PRKG1: variants seen among roughly 807,000 people sequenced by gnomAD.
PRKG1 encodes the protein protein kinase cGMP-dependent 1.
In PRKG1, 35 loss-of-function variants were observed where a neutral mutation model predicts 88.1. The ratio of observed to expected loss-of-function variants is 0.40; its 90% confidence interval spans 0.30 to 0.53. The LOEUF is 0.53. Among genes scored for constraint, PRKG1 ranks in the 20% least tolerant of loss-of-function variants. The pLI is 0.59. For missense variants in PRKG1, 540 were observed against 839.8 expected (o/e 0.64, Z 4.41); for synonymous variants, 303 against 292.5 (o/e 1.04, Z -0.37).
chr10:51,087,209 A>G (rs1429088029), intron 1 of PRKG1, among the ~76,000 whole-genome samples: 1 of 152,122 alleles, frequency 6.6e-6, no homozygotes, highest in Non-Finnish European at 1.5e-5. Flanking sequence ...CCTAGAAACA[A>G]TTTCCTCTCC....
At chr10:52,203,479 A>T (rs1839730026) in intron 9 of PRKG1, among the ~76,000 whole-genome samples, 2 of 152,188 alleles carry the variant, frequency 1.3e-5, no homozygotes, top group Non-Finnish European at 2.9e-5. Flanking sequence ...GATGAGACTA[A>T]TGTAGATTCT....
chr10:51,956,602 A>T (rs1012949382), intron 5 of PRKG1, among the ~76,000 whole-genome samples: 1 of 152,118 alleles, frequency 6.6e-6, no homozygotes, highest in Non-Finnish European at 1.5e-5. Flanking sequence ...AAGTATTTGA[A>T]ATCAAAGTAA....
chr10:51,561,825 G>A (rs1057352161), intron 3 of PRKG1, among the ~76,000 whole-genome samples: 6 of 152,032 alleles, frequency 3.9e-5, no homozygotes, highest in Non-Finnish European at 7.4e-5. Flanking sequence ...TTTGCATTAC[G>A]TAAATGAGAG....
chr10:52,013,497 G>A (rs1844953176), intron 5 of PRKG1, among the ~76,000 whole-genome samples: 1 of 152,102 alleles, frequency 6.6e-6, no homozygotes, highest in Admixed American at 6.5e-5. Flanking sequence ...GGAGGAGGAG[G>A]TAGTATTTTT....
At chr10:51,912,485 A>G (rs1444261205) in intron 5 of PRKG1, among the ~76,000 whole-genome samples, 1 of 152,214 alleles carries the variant, frequency 6.6e-6, no homozygotes, top group African/African-American at 2.4e-5. Context: ...GATGGTTTGC[A>G]TGTGGACTTA....
intron 2 of PRKG1, among the ~76,000 whole-genome samples, chr10:51,325,035 A>G (rs1418937120): frequency 1.3e-5 from 2 of 152,126 alleles, no homozygotes; most frequent in Non-Finnish European, 2.9e-5. Flanking sequence ...CATCCTCTCC[A>G]GTACTTGTTA....
intron 1 of PRKG1, among the ~76,000 whole-genome samples, chr10:51,008,298 A>T (rs1175657623): frequency 3.3e-5 from 5 of 152,204 alleles, no homozygotes; most frequent in Non-Finnish European, 5.9e-5. Flanking sequence ...TTCTAGGTAT[A>T]TACTGCAAGA....
intron 2 of PRKG1, among the ~76,000 whole-genome samples, chr10:51,184,863 T>C (rs1037408377): frequency 6.6e-6 from 1 of 152,116 alleles, no homozygotes; most frequent in Non-Finnish European, 1.5e-5. Flanking sequence ...CCTTCACCAT[T>C]TTTCAGGCAC....
intron 12 of PRKG1, among the ~76,000 whole-genome samples, chr10:52,280,234 C>G (rs761512593): frequency 2.0e-5 from 3 of 152,132 alleles, no homozygotes; most frequent in Non-Finnish European, 4.4e-5. Flanking sequence ...GAGTACTTAG[C>G]TTGCATTATG....
In PRKG1 at chr10:51,595,072, T is replaced by G. The variant is rs550133539; in HGVS notation, c.592+127236T>G. Among the ~76,000 whole-genome samples, 5 of 152,190 alleles carry G rather than the reference T, an allele frequency of 3.3e-5. No individual in the cohort carries two copies. In the South Asian group the frequency reaches 1.0e-3, roughly 32 times the overall value. On this transcript the variant is annotated intron_variant, in intron 3 of 17. Coordinates refer to ENST00000373980, the MANE Select transcript of PRKG1 (RefSeq NM_006258.4). Reference sequence around the variant, plus strand: ...TGATATAAATTAACTCTGTGCCAAGTGCGGTGGCTCAAGCCTGTAACCCCA... The same window carrying G: ...TGATATAAATTAACTCTGTGCCAAGGGCGGTGGCTCAAGCCTGTAACCCCA...
intron 3 of PRKG1, among the ~76,000 whole-genome samples, chr10:51,803,580 T>C (rs892104913): frequency 6.6e-6 from 1 of 152,116 alleles, no homozygotes; most frequent in Non-Finnish European, 1.5e-5. Context: ...TCACATTCAC[T>C]GGGCTTAGTC....
At chr10:51,351,513 G>A (rs748836351) in intron 2 of PRKG1, among the ~76,000 whole-genome samples, 5 of 145,752 alleles carry the variant, frequency 3.4e-5, no homozygotes, top group Non-Finnish European at 6.0e-5. Context: ...CAGTGATGAT[G>A]AGTTTTTTTT....
At chr10:51,271,653 T>C (rs1245701601) in intron 2 of PRKG1, among the ~76,000 whole-genome samples, 1 of 152,224 alleles carries the variant, frequency 6.6e-6, no homozygotes, top group African/African-American at 2.4e-5. Context: ...ATTACTTTCA[T>C]GTGTTCTTCT....
intron 2 of PRKG1, among the ~76,000 whole-genome samples, chr10:51,375,126 G>A (rs1331379644): frequency 6.6e-6 from 1 of 152,134 alleles, no homozygotes; most frequent in East Asian, 1.9e-4. Context: ...TGGAAGAGAG[G>A]GAATTAAATA....
intron 5 of PRKG1, among the ~76,000 whole-genome samples, chr10:52,004,675 A>G (rs2133156410): frequency 6.6e-6 from 1 of 152,314 alleles, no homozygotes; most frequent in South Asian, 2.1e-4. Context: ...TTGCAGAGTG[A>G]CCTGGAAGTG....
At chr10:51,152,692 T>G (rs958762499) in intron 1 of PRKG1, among the ~76,000 whole-genome samples, 3 of 152,040 alleles carry the variant, frequency 2.0e-5, no homozygotes, top group Non-Finnish European at 2.9e-5. Flanking sequence ...AAAAAATAAG[T>G]AAACATTTTT....
At position 50,991,215 on chromosome 10, in the gene PRKG1, TC is replaced by T. The variant is rs1842776705; in HGVS notation, c.-160del. The T allele has an allele frequency of 5.9e-6, 6 of 1,018,090 alleles. No individual in the cohort carries two copies. In the East Asian group the frequency reaches 1.9e-4, roughly 32 times the overall value. The allele number at this position is 1,018,090 out of a possible 1,614,324, so 63.1% of individuals were successfully genotyped here. On this transcript the variant is annotated 5_prime_UTR_variant, in exon 1 of 18. Coordinates refer to the PRKG1 transcript ENST00000401604. This position sits in a 1 kb window ranked among gnomAD's most constrained non-coding sequence, Gnocchi z 4.5. ...GCAGAAGCGGATCGAAGCAGGAGGC[TC>T]CCCGCGCCGCATTAGGGGCGCACTC...
intron 7 of PRKG1, among the ~76,000 whole-genome samples, chr10:52,069,104 A>G (rs1846430145): frequency 6.6e-6 from 1 of 152,244 alleles, no homozygotes; most frequent in Non-Finnish European, 1.5e-5. Flanking sequence ...AGTTGAATAG[A>G]CATTAATATT....
In PRKG1 at chr10:51,579,663, T is replaced by C. The variant is rs150400519; in HGVS notation, c.592+111827T>C. On this transcript the variant is annotated intron_variant, in intron 3 of 17. Coordinates refer to ENST00000373980, the MANE Select transcript of PRKG1 (RefSeq NM_006258.4). ...GATTTCATGAAGTCCTTTTCTGATC[T>C]ATTAACTATATGAGGAGACTGGCTA... Among the ~76,000 whole-genome samples the C allele has an allele frequency of 2.2e-3, 337 of 152,302 alleles. 3 individuals are homozygous for C. Among genetic ancestry groups the C allele is most frequent in the African/African-American group, 6.8e-3 (282 of 41,588 alleles).
Sources: gnomAD v4.1 joint callset for allele counts (sites outside exome capture counted in the v4.1 genomes callset) on GRCh38, gnomAD v4.1.1 for gene constraint, Gnocchi (gnomAD v3.1) non-coding constraint, MANE v1.5 for transcripts, NCBI Gene and HGNC (gene_info 2026-07-23, HGNC 2026-07-21) for gene names.